TNFAIP8: variants seen among roughly 807,000 people sequenced by gnomAD.
TNFAIP8 encodes TNF alpha induced protein 8, also known as tumor necrosis factor alpha-induced protein 8.
In TNFAIP8, 7 loss-of-function variants were observed where a neutral mutation model predicts 13.3. The observed-to-expected ratio is 0.52, with a 90% CI of 0.30 to 0.99. The LOEUF (loss-of-function observed/expected upper bound fraction) is 0.99. TNFAIP8 is among the 50% of genes least tolerant of loss of function. The pLI is 0.07. For synonymous variants in TNFAIP8, 94 were observed against 87.6 expected (o/e 1.07, Z -0.41); for missense variants, 258 against 236.9 (o/e 1.09, Z -0.58).
intron 1 of TNFAIP8, among the ~76,000 whole-genome samples, chr5:119,296,828 T>C (rs1342668509): frequency 6.6e-6 from 1 of 151,874 alleles, no homozygotes; most frequent in East Asian, 1.9e-4. Context: ...TATTCAGAGA[T>C]TCAACTTCTT....
chr5:119,369,719 C>G (rs539057933), intron 1 of TNFAIP8, among the ~76,000 whole-genome samples: 1 of 152,280 alleles, frequency 6.6e-6, no homozygotes, highest in East Asian at 1.9e-4. Context: ...CAAAACCACA[C>G]CAGACATTGA....
chr5:119,279,023 A>G (rs889980925), intron 1 of TNFAIP8, among the ~76,000 whole-genome samples: 4 of 152,218 alleles, frequency 2.6e-5, no homozygotes, highest in African/African-American at 9.7e-5. Flanking sequence ...AGAAATGTTT[A>G]CCATCCCAGT....
chr5:119,320,752 G>A (rs1234805959), intron 1 of TNFAIP8, among the ~76,000 whole-genome samples: 1 of 150,750 alleles, frequency 6.6e-6, no homozygotes, highest in Admixed American at 6.6e-5. Context: ...TGACTTCCAG[G>A]GCATCACATC....
chr5:119,276,059 A>C (rs956202334), intron 1 of TNFAIP8, among the ~76,000 whole-genome samples: 3 of 151,982 alleles, frequency 2.0e-5, no homozygotes, highest in African/African-American at 7.3e-5. Context: ...ACCCAAGCCC[A>C]ACAAGCATAT....
intron 1 of TNFAIP8, among the ~76,000 whole-genome samples, chr5:119,279,220 C>T (rs940175208): frequency 3.3e-5 from 5 of 152,172 alleles, no homozygotes; most frequent in African/African-American, 1.2e-4. Flanking sequence ...TGCCTGGCCA[C>T]GCTGGGATTT....
chr5:119,335,822 G>A (rs7725878), intron 1 of TNFAIP8, among the ~76,000 whole-genome samples: 15,862 of 151,606 alleles, frequency 0.1, 1,041 homozygotes, highest in African/African-American at 0.2. Flanking sequence ...GTGGAGAACC[G>A]AGTGCTAAGT....
intron 1 of TNFAIP8, among the ~76,000 whole-genome samples, chr5:119,322,947 C>G (rs1446582189): frequency 6.6e-6 from 1 of 152,196 alleles, no homozygotes; most frequent in Non-Finnish European, 1.5e-5. Context: ...CTTGCCTTCT[C>G]TTTCACTTTT....
chr5:119,336,922 T>C (rs1284236022), intron 1 of TNFAIP8, among the ~76,000 whole-genome samples: 1 of 152,232 alleles, frequency 6.6e-6, no homozygotes, highest in Non-Finnish European at 1.5e-5. Context: ...TTGTTTTACT[T>C]TGAAAAAGCT....
intron 1 of TNFAIP8, among the ~76,000 whole-genome samples, chr5:119,331,941 C>T (rs910096344): frequency 2.6e-5 from 4 of 152,192 alleles, no homozygotes; most frequent in Non-Finnish European, 5.9e-5. Flanking sequence ...TAGGGTCCTG[C>T]ACTTCCAGGA....
intron 1 of TNFAIP8, among the ~76,000 whole-genome samples, chr5:119,358,620 A>T (rs946086309): frequency 1.3e-5 from 2 of 152,200 alleles, no homozygotes; most frequent in Admixed American, 6.5e-5. Flanking sequence ...TAAAAAGGTG[A>T]CTACCATTAA....
At chr5:119,368,430 CGTGT>C (rs376615641) in intron 1 of TNFAIP8, among the ~76,000 whole-genome samples, 71 of 133,070 alleles carry the variant, frequency 5.3e-4, no homozygotes, top group Middle Eastern at 7.5e-3. Flanking sequence ...TTCTAAGCAG[CGTGT>C]GTGTGTGTGT....
chr5:119,268,845 C>T, exon 1 of TNFAIP8: 2 of 703,472 alleles, frequency 2.8e-6, no homozygotes. Context: ...GCAGAGAACT[C>T]GGCGCCGCCA....
chr5:119,388,584 C>T (rs919101997), intron 1 of TNFAIP8, among the ~76,000 whole-genome samples: 22 of 152,226 alleles, frequency 1.4e-4, no homozygotes, highest in African/African-American at 5.3e-4. Context: ...ATTTAAGGAA[C>T]AAGGAGGTGT....
intron 1 of TNFAIP8, among the ~76,000 whole-genome samples, chr5:119,297,420 G>A (rs1460438998): frequency 1.3e-5 from 2 of 152,196 alleles, no homozygotes; most frequent in East Asian, 3.8e-4. Context: ...GCGGTTTTGA[G>A]TGAGTTTCTT....
chr5:119,355,914 T>G, upstream of TNFAIP8: 1 of 1,335,138 alleles, frequency 7.5e-7, no homozygotes, highest in Non-Finnish European at 9.8e-7. Context: ...CTTGCAGAAC[T>G]TTCCCCCTGA....
At chr5:119,315,531 G>T (rs1749867731) in intron 1 of TNFAIP8, among the ~76,000 whole-genome samples, 1 of 152,226 alleles carries the variant, frequency 6.6e-6, no homozygotes, top group Admixed American at 6.5e-5. Context: ...CACATTTGAT[G>T]AGAATACTGT....
upstream of TNFAIP8, among the ~76,000 whole-genome samples, chr5:119,353,288 A>C (rs1470508233): frequency 1.3e-5 from 2 of 152,236 alleles, no homozygotes; most frequent in African/African-American, 4.8e-5. Flanking sequence ...TCCCCTTTTG[A>C]ATAAAAGCAC....
intron 1 of TNFAIP8, among the ~76,000 whole-genome samples, chr5:119,281,144 A>G (rs1026520600): frequency 1.3e-5 from 2 of 152,006 alleles, no homozygotes; most frequent in Non-Finnish European, 2.9e-5. Flanking sequence ...CCTGGAGTCA[A>G]CCATTTTCCC....
At chr5:119,354,662 G>A (rs555128996), upstream of TNFAIP8, 3 of 152,384 alleles carry the variant, frequency 2.0e-5, no homozygotes, top group South Asian at 6.2e-4. Context: ...AATCTGTGAA[G>A]TAAATAATAC....
Sources: gnomAD v4.1 joint callset for allele counts (sites outside exome capture counted in the v4.1 genomes callset) on GRCh38, gnomAD v4.1.1 for gene constraint, MANE v1.5 for transcripts, NCBI Gene and HGNC (gene_info 2026-07-23, HGNC 2026-07-21) for gene names.